The following CPED1 variants were observed in gnomAD, a reference collection of about 807,000 sequenced individuals.
CPED1 encodes cadherin like and PC-esterase domain containing 1, also known as cadherin-like and PC-esterase domain-containing protein 1.
In CPED1, 114 loss-of-function variants were observed where a neutral mutation model predicts 128.2. The ratio of observed to expected loss-of-function variants is 0.89; its 90% CI spans 0.76 to 1.04. CPED1 has a LOEUF of 1.04. CPED1 is among the 50% of genes least tolerant of loss of function. The pLI is 0.00. For missense variants in CPED1, 1,211 were observed against 1,207.1 expected (o/e 1.00, Z -0.05); for synonymous variants, 462 against 426.7 (o/e 1.08, Z -1.02).
At chr7:121,043,884 G>A (rs752472827) in intron 3 of CPED1, among the ~76,000 whole-genome samples, 4 of 152,194 alleles carry the variant, frequency 2.6e-5, no homozygotes, top group Non-Finnish European at 4.4e-5. Flanking sequence ...CCGTCTGAGG[G>A]CTTGACTTGC....
At chr7:121,005,237 T>C (rs947038498) in intron 2 of CPED1, among the ~76,000 whole-genome samples, 18 of 152,186 alleles carry the variant, frequency 1.2e-4, no homozygotes, top group Admixed American at 1.3e-4. Context: ...GCTTCATCCA[T>C]GTCCCTGCAA....
chr7:120,996,209 G>A (rs1261368610), intron 2 of CPED1, among the ~76,000 whole-genome samples: 1 of 152,080 alleles, frequency 6.6e-6, no homozygotes, highest in Non-Finnish European at 1.5e-5. Flanking sequence ...GCTTGAGCCA[G>A]GGATGTCAAG....
At chr7:121,080,546 A>C (rs1202805761) in intron 5 of CPED1, among the ~76,000 whole-genome samples, 3 of 152,198 alleles carry the variant, frequency 2.0e-5, no homozygotes, top group Non-Finnish European at 4.4e-5. Flanking sequence ...AGACTGAGTT[A>C]AGGGTACAGA....
chr7:121,001,058 T>C (rs539080304), intron 2 of CPED1, among the ~76,000 whole-genome samples: 62 of 152,300 alleles, frequency 4.1e-4, no homozygotes, highest in Admixed American at 5.2e-4. Flanking sequence ...TGTTACATTA[T>C]ATTTTCTTCA....
intron 5 of CPED1, among the ~76,000 whole-genome samples, chr7:121,082,002 A>T (rs1584498266): frequency 6.6e-6 from 1 of 152,114 alleles, no homozygotes; most frequent in African/African-American, 2.4e-5. Context: ...GAATGTATGT[A>T]TGTATGTTTT....
Position 121,140,824 on chromosome 7 carries a change from C to T in CPED1, c.1700-3C>T. 1 of 1,597,714 alleles carries T rather than the reference C, an allele frequency of 6.3e-7. No individual in the cohort carries two copies. Among genetic ancestry groups the T allele is most frequent in the African/African-American group, 1.4e-5 (1 of 73,772 alleles). ...TTTGTCATTGTTTTTGTTTTTTTAA[C>T]AGATGAAAACACACCATGTCATATC... On this transcript the variant is annotated splice_polypyrimidine_tract_variant and splice_region_variant and intron_variant, in intron 14 of 22. Transcript: ENST00000310396.
intron 5 of CPED1, among the ~76,000 whole-genome samples, chr7:121,088,658 CA>C (rs36134514): frequency 4.4e-5 from 6 of 136,496 alleles, no homozygotes; most frequent in Non-Finnish European, 3.1e-5. Flanking sequence ...GACTGCTTCT[CA>C]AAAAAAAAAG....
At chr7:121,272,864 C>A (rs1860753) in intron 22 of CPED1, among the ~76,000 whole-genome samples, 23,656 of 151,988 alleles carry the variant, frequency 0.16, 2,241 homozygotes, top group Admixed American at 0.22. Context: ...GGGAAGAGGG[C>A]CCCAAAACAT....
At chr7:121,127,015 A>C in intron 9 of CPED1, 75 bp from the exon 10 acceptor site, 1 of 1,107,476 alleles carries the variant, frequency 9.0e-7, no homozygotes, top group Non-Finnish European at 1.3e-6. Flanking sequence ...GAAATAAATC[A>C]TGTCTTAGAA....
chr7:121,236,955 A>C, intron 17 of CPED1, 124 bp downstream of exon 17: 17 of 468,758 alleles, frequency 3.6e-5, no homozygotes, highest in Middle Eastern at 5.1e-4. Context: ...ACAATGAACT[A>C]TAAAGCATAT....
At chr7:121,046,206 C>A (rs369709978) in intron 3 of CPED1, among the ~76,000 whole-genome samples, 1 of 152,112 alleles carries the variant, frequency 6.6e-6, no homozygotes, top group Non-Finnish European at 1.5e-5. Flanking sequence ...CAAATAGCTT[C>A]GTCCTTGGTG....
chr7:121,068,099 A>G lies in CPED1; in HGVS notation c.616+3786A>G, dbSNP rs547489098. Reference sequence around the variant, plus strand: ...CTCTGATGGTAGTTTCTTTTGCTGTACAGAAGCTCTTTAGTTTAATTAGAT... The same window carrying G: ...CTCTGATGGTAGTTTCTTTTGCTGTGCAGAAGCTCTTTAGTTTAATTAGAT... On this transcript the variant is annotated intron_variant, in intron 5 of 22. Transcript: ENST00000310396. Among the ~76,000 whole-genome samples the G allele has an allele frequency of 3.3e-3, 498 of 152,162 alleles. 5 individuals are homozygous for G. Among genetic ancestry groups the G allele is most frequent in the African/African-American group, 0.011 (474 of 41,514 alleles).
At chr7:121,165,607 T>C (rs1796504732) in intron 16 of CPED1, among the ~76,000 whole-genome samples, 2 of 152,168 alleles carry the variant, frequency 1.3e-5, no homozygotes. Context: ...TAATTTCCTT[T>C]CCTTTCATTC....
chr7:121,038,174 T>C (rs1402209074), intron 3 of CPED1, among the ~76,000 whole-genome samples: 4 of 151,840 alleles, frequency 2.6e-5, no homozygotes, highest in African/African-American at 9.7e-5. Flanking sequence ...CAGTACTATA[T>C]TGAATAGAAG....
intron 7 of CPED1, among the ~76,000 whole-genome samples, chr7:121,119,846 C>CA (rs1795345085): frequency 6.6e-6 from 1 of 152,070 alleles, no homozygotes; most frequent in Non-Finnish European, 1.5e-5. Flanking sequence ...CAGCCCCCAG[C>CA]AACCACATTT....
chr7:121,064,565 C>G (rs1343273222), intron 5 of CPED1, among the ~76,000 whole-genome samples: 1 of 152,084 alleles, frequency 6.6e-6, no homozygotes. Context: ...TTCTTGTTCT[C>G]CTTTCTATTT....
At chr7:121,258,306 A>G (rs190234903) in intron 18 of CPED1, among the ~76,000 whole-genome samples, 4 of 152,186 alleles carry the variant, frequency 2.6e-5, no homozygotes, top group African/African-American at 7.2e-5. Flanking sequence ...ATGATCCTTC[A>G]AGGTGCTCAG....
chr7:121,168,832 G>A (rs1280489499), intron 16 of CPED1, among the ~76,000 whole-genome samples: 1 of 151,992 alleles, frequency 6.6e-6, no homozygotes, highest in Non-Finnish European at 1.5e-5. Context: ...TGAAAACATG[G>A]GATGTTTGTC....
intron 3 of CPED1, among the ~76,000 whole-genome samples, chr7:121,035,458 TG>T (rs1408573341): frequency 3.2e-4 from 48 of 152,298 alleles, no homozygotes; most frequent in African/African-American, 1.1e-3. Context: ...TAATAAGATT[TG>T]GGAAGGAGAT....
Sources: allele counts gnomAD v4.1 joint callset (sites outside exome capture counted in the v4.1 genomes callset), GRCh38; gene constraint gnomAD v4.1.1; transcripts MANE v1.5; gene names NCBI Gene and HGNC (gene_info 2026-07-23, HGNC 2026-07-21).